The following TSEN15 variants were observed in gnomAD, a reference collection of about 807,000 sequenced individuals.
TSEN15 encodes tRNA-splicing endonuclease subunit Sen15.
TSEN15 carries 10 observed loss-of-function variants against 20.5 expected under a neutral mutation model. The ratio of observed to expected loss-of-function variants is 0.49; its 90% CI spans 0.30 to 0.83. TSEN15 has a LOEUF of 0.83. TSEN15 is among the 40% of genes least tolerant of loss of function. The pLI is 0.06. For missense variants in TSEN15, 180 were observed against 218.6 expected, an observed-to-expected ratio of 0.82 and a Z score of 1.11; for synonymous variants, 72 against 80.1, an observed-to-expected ratio of 0.90 and a Z score of 0.54.
intron 3 of TSEN15, among the ~76,000 whole-genome samples, chr1:184,088,084 G>A (rs74131436): frequency 0.021 from 3,124 of 152,242 alleles, 121 homozygotes; most frequent in African/African-American, 0.072. Flanking sequence ...TGTAGAGGCA[G>A]AATCAGCTGA....
At chr1:184,056,678 G>A (rs543655830) in intron 3 of TSEN15, among the ~76,000 whole-genome samples, 11 of 152,140 alleles carry the variant, frequency 7.2e-5, no homozygotes, top group African/African-American at 2.4e-4. Context: ...TGTGAGAGGC[G>A]GTTAGGGATA....
intron 3 of TSEN15, among the ~76,000 whole-genome samples, chr1:184,090,554 GAAGCAGTCTA>G (rs1267279557): frequency 6.6e-6 from 1 of 152,168 alleles, no homozygotes; most frequent in Non-Finnish European, 1.5e-5. Context: ...GTGTGCTATA[GAAGCAGTCTA>G]AAGACCTAAC....
At chr1:184,095,771 T>G in exon 4 of TSEN15, 1 of 398,308 alleles carries the variant, frequency 2.5e-6, no homozygotes, top group Non-Finnish European at 4.4e-6. Flanking sequence ...TCATCAGAGA[T>G]GGAATGTTCC....
In TSEN15 at chr1:184,068,935, A is replaced by G. The variant is rs16822402; in HGVS notation, c.354-3222A>G. ...TTAACCCATGATACATTCTATTTCA[A>G]TAGCATTTGAAGTTAAAAGTAATGC... On this transcript the variant is annotated intron_variant, in intron 3 of 4. Transcript: ENST00000645668. Among the ~76,000 whole-genome samples the G allele has an allele frequency of 8.9e-3, 1,351 of 152,318 alleles. 17 individuals carry two copies. The highest frequency in any genetic ancestry group is 0.03 in the African/African-American group (1,263 of 41,566).
At chr1:184,076,791 A>G (rs923730792), downstream of TSEN15, among the ~76,000 whole-genome samples, 1 of 152,182 alleles carries the variant, frequency 6.6e-6, no homozygotes, top group African/African-American at 2.4e-5. Flanking sequence ...CAGCTACAAC[A>G]TTCCCTTAAG....
intron 3 of TSEN15, among the ~76,000 whole-genome samples, chr1:184,061,092 A>G (rs896662626): frequency 1.6e-4 from 24 of 152,204 alleles, no homozygotes; most frequent in African/African-American, 5.1e-4. Context: ...CTTAGTGCTA[A>G]TTTGTCTTTT....
chr1:184,092,961 C>G (rs748823810), intron 3 of TSEN15, among the ~76,000 whole-genome samples: 6 of 152,170 alleles, frequency 3.9e-5, no homozygotes, highest in Admixed American at 1.3e-4. Flanking sequence ...GAACTTGCAG[C>G]TCCTTATTGT....
In TSEN15 at chr1:184,054,401, T is replaced by C. The variant is rs1650165634; in HGVS notation, c.183T>C (p.Tyr61=). The change falls in exon 2 of 5, where the codon TAT becomes TAC. Residue 61 remains tyrosine, a synonymous_variant. Coordinates refer to ENST00000645668, the MANE Select transcript of TSEN15 (RefSeq NM_052965.4). ...ELDIGDATQV[Y]VAFLVYLDLM... ...ATATAGGAGATGCCACCCAAGTTTA[T>C]GTAGCGTTCTTGGTTTACCTGGACC... 6.2e-7 allele frequency: 1 copy of C among 1,610,400 alleles called. No individual in the cohort carries two copies. The highest frequency in any genetic ancestry group is 1.3e-5 in the African/African-American group (1 of 74,902).
chr1:184,087,295 ACT>A lies in TSEN15; in HGVS notation c.354-8392_354-8391del, dbSNP rs1651278715. ...AAAAATTATTAACGAGATATTTTAG[ACT>A]CTTTTTTCTTTTTACTATCTCTTTG... On this transcript the variant is annotated intron_variant, in intron 3 of 3. Transcript: ENST00000643231. Among the ~76,000 whole-genome samples the A allele has an allele frequency of 4.6e-5, 7 of 152,030 alleles. No individual in the cohort carries two copies. The South Asian group carries it at 1.5e-3, about 32-fold the overall frequency.
At chr1:184,075,892 T>TTA (rs1255091578), downstream of TSEN15, among the ~76,000 whole-genome samples, 2,872 of 144,306 alleles carry the variant, frequency 0.02, 57 homozygotes, top group African/African-American at 0.047. Flanking sequence ...GGGGTGGGTT[T>TTA]TATATATATA....
intron 3 of TSEN15, among the ~76,000 whole-genome samples, chr1:184,063,054 T>G (rs1015252326): frequency 6.6e-6 from 1 of 152,142 alleles, no homozygotes; most frequent in African/African-American, 2.4e-5. Flanking sequence ...AAATTGTAAA[T>G]GGTTCTTTCT....
At chr1:184,095,661 C>CTCTCTCTG in intron 3 of TSEN15, 2 of 368,100 alleles carry the variant, frequency 5.4e-6, no homozygotes, top group Non-Finnish European at 9.6e-6. Flanking sequence ...CTCTCTCTCT[C>CTCTCTCTG]TCTCTCTGTG....
At chr1:184,082,108 A>C (rs936053174) in intron 3 of TSEN15, among the ~76,000 whole-genome samples, 2 of 152,160 alleles carry the variant, frequency 1.3e-5, no homozygotes, top group African/African-American at 4.8e-5. Flanking sequence ...ATAGTTGTTT[A>C]TGTGGGATAG....
chr1:184,065,458 A>G (rs112809718), intron 3 of TSEN15, among the ~76,000 whole-genome samples: 40 of 152,328 alleles, frequency 2.6e-4, no homozygotes, highest in Middle Eastern at 3.4e-3. Flanking sequence ...TCATGTATTC[A>G]TCATCACATA....
intron 3 of TSEN15, among the ~76,000 whole-genome samples, chr1:184,061,850 G>T (rs968530796): frequency 2.6e-5 from 4 of 152,044 alleles, no homozygotes; most frequent in African/African-American, 7.2e-5. Flanking sequence ...CAAGAGTGTC[G>T]ACAGATTCCA....
intron 3 of TSEN15, among the ~76,000 whole-genome samples, chr1:184,088,603 G>A (rs1189301888): frequency 1.6e-5 from 2 of 122,874 alleles, no homozygotes; most frequent in Non-Finnish European, 3.5e-5. Flanking sequence ...TTTTTTGGTA[G>A]AGATCGAGTT....
downstream of TSEN15, among the ~76,000 whole-genome samples, chr1:184,077,896 T>G (rs1226530273): frequency 6.6e-6 from 1 of 152,190 alleles, no homozygotes; most frequent in African/African-American, 2.4e-5. Flanking sequence ...AGATGGAATC[T>G]ACTTCTTGTG....
chr1:184,090,492 A>G (rs1651338137), intron 3 of TSEN15, among the ~76,000 whole-genome samples: 1 of 152,222 alleles, frequency 6.6e-6, no homozygotes, highest in African/African-American at 2.4e-5. Flanking sequence ...TAGAGTTGAT[A>G]TAAACAAAAA....
At chr1:184,052,846 A>C (rs1354691539) in intron 1 of TSEN15, among the ~76,000 whole-genome samples, 4 of 152,220 alleles carry the variant, frequency 2.6e-5, no homozygotes, top group Non-Finnish European at 5.9e-5. Context: ...CATGAACTCA[A>C]AATCAGACTC....
Sources: gnomAD v4.1 joint callset for allele counts (sites outside exome capture counted in the v4.1 genomes callset) on GRCh38, gnomAD v4.1.1 for gene constraint, MANE v1.5 for transcripts, NCBI Gene and HGNC (gene_info 2026-07-23, HGNC 2026-07-21) for gene names.